Variants in CCDC7 observed in about 807,000 individuals in gnomAD.
CCDC7 encodes coiled-coil domain-containing protein 7.
A neutral mutation model predicts 196.9 loss-of-function variants in CCDC7; 183 were observed. The observed-to-expected ratio is 0.93, with a 90% CI of 0.82 to 1.05. CCDC7 has a LOEUF of 1.05. Ranked by LOEUF, CCDC7 falls within the 50% of genes least tolerant of loss-of-function variation. The pLI, the probability that CCDC7 is intolerant of heterozygous loss-of-function variation, is 0.00. For synonymous variants in CCDC7, 525 were observed against 484.6 expected, an observed-to-expected ratio of 1.08 and a Z score of -1.10; for missense variants, 1,540 against 1,482.2, an observed-to-expected ratio of 1.04 and a Z score of -0.64.
intron 24 of CCDC7, among the ~76,000 whole-genome samples, chr10:32,703,193 C>G (rs1296698963): frequency 6.6e-6 from 1 of 151,928 alleles, no homozygotes; most frequent in Non-Finnish European, 1.5e-5. Context: ...TTCAGGAGCT[C>G]TTTTAGGGCA....
At chr10:32,796,862 T>TA (rs1174192078) in intron 29 of CCDC7, among the ~76,000 whole-genome samples, 1 of 152,166 alleles carries the variant, frequency 6.6e-6, no homozygotes, top group Non-Finnish European at 1.5e-5. Context: ...AATTGGGAAT[T>TA]AATAACATAT....
At chr10:32,613,663 G>A (rs2062439238) in intron 18 of CCDC7, among the ~76,000 whole-genome samples, 1 of 152,016 alleles carries the variant, frequency 6.6e-6, no homozygotes. Context: ...CCTTAATTTT[G>A]TTATTTACAC....
chr10:32,723,529 A>G (rs939306703), intron 25 of CCDC7, among the ~76,000 whole-genome samples: 8 of 152,128 alleles, frequency 5.3e-5, no homozygotes, highest in African/African-American at 1.7e-4. Flanking sequence ...ATATCAAGGA[A>G]CTTATCATGT....
chr10:32,530,954 G>A (rs11008963), intron 11 of CCDC7, among the ~76,000 whole-genome samples: 20,988 of 151,892 alleles, frequency 0.14, 1,750 homozygotes, highest in East Asian at 0.25. Context: ...TTTGATGAGG[G>A]TTTTTATCGT....
intron 25 of CCDC7, among the ~76,000 whole-genome samples, chr10:32,723,583 G>A (rs775576592): frequency 6.6e-6 from 1 of 152,104 alleles, no homozygotes; most frequent in Non-Finnish European, 1.5e-5. Flanking sequence ...AGCTGAGGAT[G>A]TAGATTGTTT....
chr10:32,847,734 A>G (rs1371813088), intron 37 of CCDC7, 99 bp from the exon 39 acceptor site: 7 of 762,442 alleles, frequency 9.2e-6, no homozygotes, highest in Non-Finnish European at 1.5e-5. Flanking sequence ...AAAGGAAAAG[A>G]AAAGAAAAAG....
At chr10:32,659,603 C>T (rs911966258) in intron 20 of CCDC7, among the ~76,000 whole-genome samples, 4 of 152,016 alleles carry the variant, frequency 2.6e-5, no homozygotes, top group African/African-American at 9.7e-5. Context: ...CTATACGAAA[C>T]TAAAACACAT....
chr10:32,686,460 A>G (rs73259471), intron 22 of CCDC7, among the ~76,000 whole-genome samples: 8,068 of 152,266 alleles, frequency 0.053, 714 homozygotes, highest in African/African-American at 0.18. Context: ...AAAGTTTGCC[A>G]AGACCTGTAA....
At chr10:32,598,148 T>C (rs1201689783) in intron 18 of CCDC7, among the ~76,000 whole-genome samples, 2 of 152,174 alleles carry the variant, frequency 1.3e-5, no homozygotes, top group East Asian at 1.9e-4. Context: ...TGCAGTGGGC[T>C]CCACCCAGTT....
intron 2 of CCDC7, among the ~76,000 whole-genome samples, chr10:32,453,914 C>T (rs1014339360): frequency 3.3e-5 from 5 of 152,166 alleles, no homozygotes; most frequent in East Asian, 1.9e-4. Context: ...ATAGAAGTTT[C>T]GTTCGTAACT....
intron 24 of CCDC7, among the ~76,000 whole-genome samples, chr10:32,711,065 CAT>C (rs1396120979): frequency 1.3e-5 from 2 of 152,098 alleles, no homozygotes; most frequent in African/African-American, 4.8e-5. Context: ...TTCATCCACA[CAT>C]AGATACACAT....
At chr10:32,665,292 G>T (rs886299461) in intron 21 of CCDC7, among the ~76,000 whole-genome samples, 2 of 112,232 alleles carry the variant, frequency 1.8e-5, no homozygotes, top group Non-Finnish European at 1.8e-5. Context: ...TGTTTGCTTT[G>T]CTGTGCAGAG....
At chr10:32,692,263 C>G (rs1300611432) in intron 23 of CCDC7, among the ~76,000 whole-genome samples, 1 of 152,160 alleles carries the variant, frequency 6.6e-6, no homozygotes, top group African/African-American at 2.4e-5. Flanking sequence ...GACTTAGGGC[C>G]AGGAGCAATA....
chr10:32,564,256 ATC>A (rs1246695396), intron 13 of CCDC7, among the ~76,000 whole-genome samples: 1 of 152,164 alleles, frequency 6.6e-6, no homozygotes, highest in Admixed American at 6.5e-5. Context: ...TTCCTCAGGG[ATC>A]TAGAACTAGA....
At chr10:32,815,749 G>A (rs2088315842) in intron 31 of CCDC7, among the ~76,000 whole-genome samples, 1 of 152,104 alleles carries the variant, frequency 6.6e-6, no homozygotes, top group Non-Finnish European at 1.5e-5. Flanking sequence ...GCATCAAGAG[G>A]AAAACAATTC....
intron 20 of CCDC7, among the ~76,000 whole-genome samples, chr10:32,645,616 GTTC>G (rs1004135598): frequency 4.1e-5 from 6 of 147,768 alleles, no homozygotes; most frequent in Admixed American, 6.9e-5. Context: ...ACTGGCATTA[GTTC>G]TTCTTTAAAT....
chr10:32,711,096 A>G (rs777146677), intron 24 of CCDC7, among the ~76,000 whole-genome samples: 4 of 151,930 alleles, frequency 2.6e-5, no homozygotes, highest in Non-Finnish European at 5.9e-5. Flanking sequence ...ACCATAATTG[A>G]TATTATACCA....
At chr10:32,728,687 A>G (rs967645547) in intron 26 of CCDC7, among the ~76,000 whole-genome samples, 200 bp from the exon 28 acceptor site, 7 of 152,194 alleles carry the variant, frequency 4.6e-5, no homozygotes, top group Non-Finnish European at 8.8e-5. Context: ...AGACCAATAT[A>G]AACTTTATTT....
chr10:32,857,503 G>T (rs913167666), intron 41 of CCDC7, among the ~76,000 whole-genome samples: 2 of 152,108 alleles, frequency 1.3e-5, no homozygotes, highest in African/African-American at 4.8e-5. Flanking sequence ...ATATGTAGAA[G>T]TTTTAAAACA....
Sources: allele counts gnomAD v4.1 joint callset (sites outside exome capture counted in the v4.1 genomes callset), GRCh38; gene constraint gnomAD v4.1.1; transcripts MANE v1.5; gene names NCBI Gene and HGNC (gene_info 2026-07-23, HGNC 2026-07-21).